The following MYOM1 variants were observed in gnomAD, a reference collection of about 807,000 sequenced individuals.
MYOM1 encodes myomesin-1.
Under a neutral mutation model 205.3 loss-of-function variants are expected in MYOM1, and 164 were observed. The ratio of observed to expected loss-of-function variants is 0.80; its 90% CI spans 0.70 to 0.91. MYOM1 has a LOEUF of 0.91. Among genes scored for constraint, MYOM1 ranks in the 40% least tolerant of loss-of-function variants. MYOM1 has a pLI of 0.00. For missense variants in MYOM1, 2,011 were observed against 2,127.3 expected (o/e 0.95, Z 1.08); for synonymous variants, 772 against 789.4 (o/e 0.98, Z 0.37).
chr18:3,101,020 T>C (rs936618253), intron 23 of MYOM1, among the ~76,000 whole-genome samples: 11 of 152,242 alleles, frequency 7.2e-5, no homozygotes, highest in Non-Finnish European at 1.3e-4. Context: ...CTAACTTTGG[T>C]AAGCTATATT....
chr18:3,228,325 C>A, the MYOM1 span, among the ~76,000 whole-genome samples: 1 of 152,174 alleles, frequency 6.6e-6, no homozygotes, highest in Non-Finnish European at 1.5e-5. The surrounding 1 kb of genome is among the most constrained non-coding windows in gnomAD (Gnocchi z 4.5). Flanking sequence ...GCGTGTCTGC[C>A]TTTTGCTGTG....
Position 3,126,873 on chromosome 18 carries a change from A to G in MYOM1, c.2819T>C (p.Ile940Thr). The change falls in exon 19 of 38, where the codon ATC (isoleucine) becomes ACC (threonine). Residue 940 changes from isoleucine (I) to threonine (T), a missense_variant. Ile to Thr is a moderately conservative substitution (Grantham distance 89, BLOSUM62 -1). Coordinates refer to ENST00000356443, the MANE Select transcript of MYOM1 (RefSeq NM_003803.4). ...DRAPPSPPCDITCLESFRDSM... is the reference protein window; with the variant it reads ...DRAPPSPPCDTTCLESFRDSM... ...GTCACGAAAACTTTCAAGACAGGTG[A>G]TATCACAGGGTGGAGATGGTGGTGC... is the stretch of plus-strand genomic sequence containing the variant. 1 of 1,611,798 alleles carries G rather than the reference A, an allele frequency of 6.2e-7. No individual in the cohort carries two copies. Among genetic ancestry groups the G allele is most frequent in the Non-Finnish European group, 8.5e-7 (1 of 1,178,902 alleles).
chr18:3,197,906 C>T (rs1435651602), intron 2 of MYOM1, among the ~76,000 whole-genome samples: 2 of 152,106 alleles, frequency 1.3e-5, no homozygotes, highest in East Asian at 1.9e-4. Flanking sequence ...AGAAATGTTA[C>T]TATTTCGTTC....
At chr18:3,083,758 C>G (rs1398610560) in intron 33 of MYOM1, 31 bp downstream of exon 33, 2 of 1,526,760 alleles carry the variant, frequency 1.3e-6, no homozygotes, top group South Asian at 2.4e-5. Flanking sequence ...GAAAGAATTT[C>G]TACACAGCAA....
chr18:3,227,400 G>T, the MYOM1 span, among the ~76,000 whole-genome samples: 1 of 152,172 alleles, frequency 6.6e-6, no homozygotes, highest in African/African-American at 2.4e-5. Context: ...CCACTTATAT[G>T]AGGTACCTAG....
At chr18:3,204,087 A>G (rs936539007) in intron 2 of MYOM1, among the ~76,000 whole-genome samples, 13 of 152,000 alleles carry the variant, frequency 8.6e-5, no homozygotes, top group African/African-American at 3.1e-4. Flanking sequence ...TAGAATAGAA[A>G]CAGAAGGGAA....
At chr18:3,199,584 G>A (rs372721753) in intron 2 of MYOM1, among the ~76,000 whole-genome samples, 3 of 152,266 alleles carry the variant, frequency 2.0e-5, no homozygotes, top group African/African-American at 7.2e-5. Context: ...GCTCACACCT[G>A]TAATCCCAGC....
chr18:3,129,121 T>A lies in MYOM1; in HGVS notation c.2794+111A>T. On this transcript the variant is annotated intron_variant, in intron 18 of 37. Coordinates refer to ENST00000356443, the MANE Select transcript of MYOM1 (RefSeq NM_003803.4). ...GATGGCTAGCTGAAAACACATACAA[T>A]AAGAATGGACATTGATGAAAGCAAA... The A allele has an allele frequency of 1.5e-6, 2 of 1,333,428 alleles. 1 individual carries two copies. Among genetic ancestry groups the A allele is most frequent in the South Asian group, 3.1e-5 (2 of 64,840 alleles). 82.6% of individuals were successfully genotyped at this position (1,333,428 alleles called of 1,614,324 possible).
chr18:3,159,972 T>TTC (rs149059935), intron 10 of MYOM1, among the ~76,000 whole-genome samples: 24,299 of 141,706 alleles, frequency 0.17, 2,899 homozygotes, highest in East Asian at 0.27. Context: ...CCTGCCTTCC[T>TTC]TCTCTCTCTC....
intron 2 of MYOM1, among the ~76,000 whole-genome samples, chr18:3,200,191 CA>C (rs999523773): frequency 1.3e-5 from 2 of 151,806 alleles, no homozygotes; most frequent in East Asian, 1.9e-4. Context: ...AAAACAAAAA[CA>C]AAAAAACCCA....
At position 3,088,074 on chromosome 18, in the gene MYOM1, C is replaced by T. The variant is rs8098803; in HGVS notation, c.4137+1100G>A. ...TCCAGGCATTGGAACGACAGCATAA[C>T]AGAACTGTGTGAATATTCACAATCC... On this transcript the variant is annotated intron_variant, in intron 29 of 37. Coordinates refer to ENST00000356443, the MANE Select transcript of MYOM1 (RefSeq NM_003803.4). Among the ~76,000 whole-genome samples, 1,289 of 152,258 alleles carry T rather than the reference C, an allele frequency of 8.5e-3. 14 individuals are homozygous for T. Among genetic ancestry groups the T allele is most frequent in the African/African-American group, 0.025 (1,041 of 41,530 alleles).
At position 3,135,402 on chromosome 18, in the gene MYOM1, T is replaced by C; in HGVS notation, c.2209+145A>G. The C allele has an allele frequency of 1.6e-6, 1 of 626,258 alleles. No homozygotes were observed. The highest frequency in any genetic ancestry group is 2.6e-6 in the Non-Finnish European group (1 of 390,648). 38.8% of individuals were successfully genotyped at this position (626,258 alleles called of 1,614,324 possible). On this transcript the variant is annotated intron_variant, in intron 15 of 37. Transcript: ENST00000356443. The surrounding 1 kb of genome is among the most constrained non-coding windows in gnomAD (Gnocchi z 4.1). The stretch of plus-strand genomic sequence containing the variant: ...TAAACAAAAATAATGAATTTTTGTT[T>C]AATGTATAGGTTAAGTACAGCCATC...
At chr18:3,114,611 T>C (rs1440720186) in intron 21 of MYOM1, among the ~76,000 whole-genome samples, 2 of 148,136 alleles carry the variant, frequency 1.4e-5, no homozygotes, top group African/African-American at 2.5e-5. Flanking sequence ...CTTGAACTCC[T>C]GGGCTCAAGT....
chr18:3,075,144 T>TAA (rs2079007450), intron 36 of MYOM1, among the ~76,000 whole-genome samples: 1 of 152,212 alleles, frequency 6.6e-6, no homozygotes. Context: ...CATATTTTTA[T>TAA]GAAACACTGT....
chr18:3,131,427 T>A lies in MYOM1; in HGVS notation c.2454A>T (p.Gly818=). ...CTGAATCCTGGGAATATTCACTAAG[T>A]CCAGCTGCATTGACTGCTCTGACCC... is the stretch of plus-strand genomic sequence containing the variant. ...IFRVRAVNAA[G]LSEYSQDSEA... Residue 818 remains glycine (G), a synonymous_variant, in exon 17 of 38, where the codon GGA becomes GGT. Transcript: ENST00000356443. 2 of 1,613,878 alleles carry A rather than the reference T, an allele frequency of 1.2e-6. No individual in the cohort carries two copies. The highest frequency in any genetic ancestry group is 1.7e-6 in the Non-Finnish European group (2 of 1,179,828).
At chr18:3,120,596 T>A (rs1219478292) in intron 19 of MYOM1, among the ~76,000 whole-genome samples, 2 of 152,172 alleles carry the variant, frequency 1.3e-5, no homozygotes, top group African/African-American at 4.8e-5. Flanking sequence ...CAGACGACCC[T>A]GCAACGCCGT....
chr18:3,199,436 T>C (rs775615475), intron 2 of MYOM1, among the ~76,000 whole-genome samples: 13 of 152,010 alleles, frequency 8.6e-5, no homozygotes, highest in African/African-American at 1.7e-4. Flanking sequence ...GTGGGAAAAA[T>C]TGGAGAGGGC....
chr18:3,141,485 C>T (rs888458824), intron 14 of MYOM1, among the ~76,000 whole-genome samples: 6 of 152,210 alleles, frequency 3.9e-5, no homozygotes, highest in African/African-American at 1.4e-4. Context: ...GTCTTCCACA[C>T]TCCCGGCCAT....
chr18:3,241,734 G>C, the MYOM1 span, among the ~76,000 whole-genome samples: 1 of 152,210 alleles, frequency 6.6e-6, no homozygotes, highest in Non-Finnish European at 1.5e-5. Context: ...TGTGTGCCTG[G>C]AAAGCAACAG....
Sources: gnomAD v4.1 joint callset for allele counts (sites outside exome capture counted in the v4.1 genomes callset) on GRCh38, gnomAD v4.1.1 for gene constraint, Gnocchi (gnomAD v3.1) non-coding constraint, MANE v1.5 for transcripts, NCBI Gene and HGNC (gene_info 2026-07-23, HGNC 2026-07-21) for gene names.